The following AVEN variants were observed in gnomAD, a reference collection of about 807,000 sequenced individuals.
AVEN encodes cell death regulator Aven.
A neutral mutation model predicts 38.1 loss-of-function variants in AVEN; 41 were observed. The observed-to-expected ratio is 1.08, with a 90% CI of 0.84 to 1.40. The LOEUF is 1.40. Among genes scored for constraint, AVEN ranks in the 40% most tolerant of loss-of-function variants. The pLI is 0.00. For missense variants in AVEN, 605 were observed against 438.8 expected (o/e 1.38, Z -3.38); for synonymous variants, 206 against 171.8 (o/e 1.20, Z -1.56).
At position 33,867,824 on chromosome 15, in the gene AVEN, T is replaced by G; in HGVS notation, c.644A>C (p.Lys215Thr). Residue 215 changes from lysine (K) to threonine (T), a missense_variant, in exon 5 of 6, where the codon AAA becomes ACA. Transcript: ENST00000306730. ...CTTGCCATCATCAGTTCTCTTTGGT[T>G]TCACCTGAGGAACCTCTAAAGGAAC... is the stretch of plus-strand genomic sequence containing the variant. ...GTVPLEVPQV[K>T]PKRTDDGKGL... 6.2e-7 allele frequency: 1 copy of G among 1,603,024 alleles called. No individual in the cohort carries two copies. The highest frequency in any genetic ancestry group is 8.5e-7 in the Non-Finnish European group (1 of 1,176,598).
At chr15:33,973,894 C>T (rs1427272965) in intron 2 of AVEN, among the ~76,000 whole-genome samples, 1 of 152,042 alleles carries the variant, frequency 6.6e-6, no homozygotes, top group African/African-American at 2.4e-5. Flanking sequence ...TCTCAGACAG[C>T]CAGAAGAATA....
At chr15:33,987,986 C>T (rs558917519) in intron 2 of AVEN, among the ~76,000 whole-genome samples, 2 of 152,308 alleles carry the variant, frequency 1.3e-5, no homozygotes, top group South Asian at 4.1e-4. Flanking sequence ...GAAGGAAAAC[C>T]ACCTGACCAA....
chr15:33,996,621 T>G (rs1443944446), intron 2 of AVEN, among the ~76,000 whole-genome samples: 1 of 152,116 alleles, frequency 6.6e-6, no homozygotes, highest in African/African-American at 2.4e-5. Flanking sequence ...GACCTGACTG[T>G]TAGAAGGAAA....
chr15:34,049,828 C>T (rs1313234888), intron 5 of AVEN, among the ~76,000 whole-genome samples: 1 of 151,280 alleles, frequency 6.6e-6, no homozygotes, highest in Non-Finnish European at 1.5e-5. Context: ...AGACTAACAG[C>T]AGGCCTCTTG....
chr15:33,921,841 ATTG>A (rs1207743485), intron 2 of AVEN, among the ~76,000 whole-genome samples: 1 of 152,166 alleles, frequency 6.6e-6, no homozygotes, highest in Non-Finnish European at 1.5e-5. Context: ...CTATATTATT[ATTG>A]TCTTGTCTCT....
At chr15:34,067,737 G>A (rs565916216) in intron 2 of AVEN, among the ~76,000 whole-genome samples, 2 of 152,296 alleles carry the variant, frequency 1.3e-5, no homozygotes, top group South Asian at 4.1e-4. Context: ...GGGCAGACCT[G>A]AAACCACAGT....
In AVEN at chr15:34,063,256, T is replaced by C. The variant is rs1340257918; in HGVS notation, n.1303A>G. The C allele has an allele frequency of 6.2e-7, 1 of 1,614,228 alleles. No individual in the cohort carries two copies. The highest frequency in any genetic ancestry group is 1.1e-5 in the South Asian group (1 of 91,080). On this transcript the variant is annotated non_coding_transcript_exon_variant, in exon 5 of 12. Coordinates refer to the AVEN transcript ENST00000675287. This position sits in a 1 kb window ranked among gnomAD's most constrained non-coding sequence, Gnocchi z 4.1. ...TTGGTTGGGAAGCGGACAGTTCCAC[T>C]GGATGAGTGCCAGATCCAGTTTCTC...
At chr15:33,865,158 G>GT, downstream of AVEN, 1 of 1,613,718 alleles carries the variant, frequency 6.2e-7, no homozygotes, top group Non-Finnish European at 8.5e-7. Context: ...GATGTACCAA[G>GT]AAAGGTGTTG....
chr15:33,938,371 C>T (rs1280215969), intron 2 of AVEN, among the ~76,000 whole-genome samples: 1 of 151,948 alleles, frequency 6.6e-6, no homozygotes, highest in Non-Finnish European at 1.5e-5. Flanking sequence ...AGGAGAATGG[C>T]GTGAACCCAG....
chr15:33,963,415 A>G (rs940687824), intron 2 of AVEN, among the ~76,000 whole-genome samples: 53 of 152,324 alleles, frequency 3.5e-4, no homozygotes, highest in African/African-American at 1.3e-3. Context: ...TGCCTTGTTC[A>G]CTGAGACAGG....
In AVEN at chr15:34,033,372, G is replaced by A. The variant is rs184981152; in HGVS notation, c.267+5408C>T. ...ATACAAAAAATTAGCCGGGTGTGGC[G>A]GTGTGCACCTGTAGTCCCAGCTACT... is the stretch of plus-strand genomic sequence containing the variant. On this transcript the variant is annotated intron_variant, in intron 1 of 5. Coordinates refer to ENST00000306730, the MANE Select transcript of AVEN (RefSeq NM_020371.3). Among the ~76,000 whole-genome samples, 436 of 152,104 alleles carry A rather than the reference G, an allele frequency of 2.9e-3. 3 individuals are homozygous for A. Among genetic ancestry groups the A allele is most frequent in the Non-Finnish European group, 4.7e-3 (319 of 68,006 alleles).
chr15:34,025,786 G>C (rs2702281), intron 1 of AVEN, among the ~76,000 whole-genome samples: 1 of 151,794 alleles, frequency 6.6e-6, no homozygotes, highest in Non-Finnish European at 1.5e-5. Flanking sequence ...GTGTGTGTGC[G>C]CATGTGTAAA....
chr15:33,953,886 C>T (rs375107179), intron 2 of AVEN, among the ~76,000 whole-genome samples: 1 of 152,124 alleles, frequency 6.6e-6, no homozygotes, highest in African/African-American at 2.4e-5. Context: ...TTGCAATTTA[C>T]CCATCTGGCA....
chr15:33,908,100 T>C (rs951801492), intron 2 of AVEN, among the ~76,000 whole-genome samples: 1 of 152,230 alleles, frequency 6.6e-6, no homozygotes, highest in African/African-American at 2.4e-5. Context: ...TGATAAGATA[T>C]ACATAAAATT....
At chr15:33,996,993 C>T (rs1896962600) in intron 2 of AVEN, among the ~76,000 whole-genome samples, 1 of 152,168 alleles carries the variant, frequency 6.6e-6, no homozygotes, top group African/African-American at 2.4e-5. Context: ...CTAGAATAAA[C>T]AGCGTAGAGA....
chr15:33,919,143 A>T (rs1036095746), intron 2 of AVEN, among the ~76,000 whole-genome samples: 2 of 152,028 alleles, frequency 1.3e-5, no homozygotes, highest in Admixed American at 1.3e-4. Flanking sequence ...GGCTGGTCTC[A>T]AATGCCTGAC....
intron 5 of AVEN, among the ~76,000 whole-genome samples, chr15:34,054,846 A>G (rs781742060): frequency 6.6e-6 from 1 of 151,854 alleles, no homozygotes; most frequent in Admixed American, 6.6e-5. Flanking sequence ...CTTAAGATAA[A>G]TGTTGGGAAA....
chr15:33,867,977 G>C (rs1890751060), intron 4 of AVEN, 122 bp from the exon 5 acceptor site: 8 of 1,332,654 alleles, frequency 6.0e-6, no homozygotes, highest in African/African-American at 1.5e-5. Context: ...AATTCAGATA[G>C]TTCACAAAGT....
At chr15:34,051,960 A>G (rs1899937853) in intron 5 of AVEN, among the ~76,000 whole-genome samples, 1 of 152,188 alleles carries the variant, frequency 6.6e-6, no homozygotes, top group South Asian at 2.1e-4. Flanking sequence ...TATCTGAAAA[A>G]ATTGAAAAGG....
Sources: allele counts gnomAD v4.1 joint callset (sites outside exome capture counted in the v4.1 genomes callset), GRCh38; gene constraint gnomAD v4.1.1; non-coding constraint Gnocchi (gnomAD v3.1); transcripts MANE v1.5; gene names NCBI Gene and HGNC (gene_info 2026-07-23, HGNC 2026-07-21).